PNLIP: variants seen among roughly 807,000 people sequenced by gnomAD.
PNLIP encodes pancreatic lipase.
In PNLIP, 49 loss-of-function variants were observed where a neutral mutation model predicts 57.1. The observed-to-expected ratio is 0.86, with a 90% CI of 0.68 to 1.09. The LOEUF (loss-of-function observed/expected upper bound fraction) is 1.09, where lower values mean the gene tolerates loss of function less well. PNLIP is among the 50% of genes least tolerant of loss of function. The probability of loss-of-function intolerance (pLI) is 0.00; values close to 1 mark genes in which losing one functional copy is unlikely to be tolerated. For missense variants in PNLIP, 503 were observed against 570.2 expected (o/e 0.88, Z 1.20); for synonymous variants, 209 against 200.4 (o/e 1.04, Z -0.36).
intron 4 of PNLIP, among the ~76,000 whole-genome samples, chr10:116,549,762 G>A (rs1564724072): frequency 6.6e-6 from 1 of 152,174 alleles, no homozygotes; most frequent in Non-Finnish European, 1.5e-5. Context: ...AGTTCAAAAG[G>A]AATATAGTTA....
intron 9 of PNLIP, among the ~76,000 whole-genome samples, chr10:116,557,203 A>G (rs1354896615): frequency 1.3e-5 from 2 of 152,166 alleles, no homozygotes; most frequent in Admixed American, 6.5e-5. Context: ...AACAATAAGT[A>G]ATGGGGGAAA....
chr10:116,547,045 G>C (rs907546575), intron 2 of PNLIP, among the ~76,000 whole-genome samples: 1 of 152,166 alleles, frequency 6.6e-6, no homozygotes, highest in African/African-American at 2.4e-5. Flanking sequence ...GGAGTCCCAC[G>C]TTGGGATTGG....
At chr10:116,566,074 G>C (rs965996000) in intron 12 of PNLIP, among the ~76,000 whole-genome samples, 1 of 152,366 alleles carries the variant, frequency 6.6e-6, no homozygotes, top group Middle Eastern at 3.4e-3. Flanking sequence ...CTCCCAAAGT[G>C]CTGGGATTAC....
At chr10:116,553,685 A>T (rs1312568395) in intron 5 of PNLIP, 42 bp from the exon 6 acceptor site, 6 of 1,183,028 alleles carry the variant, frequency 5.1e-6, no homozygotes, top group Non-Finnish European at 7.6e-6. Flanking sequence ...GCAACTCATG[A>T]CTGCACTTGA....
chr10:116,551,114 A>G lies in PNLIP; in HGVS notation c.341A>G (p.Glu114Gly). Residue 114 changes from glutamate (E) to glycine (G), a missense_variant, in exon 5 of 13, where the codon GAA (glutamate) becomes GGA (glycine). Coordinates refer to ENST00000369221, the MANE Select transcript of PNLIP (RefSeq NM_000936.4). Reference protein sequence around the residue: ...ANVCKNLFKVESVNCICVDWK... With the variant: ...ANVCKNLFKVGSVNCICVDWK... ...TTCCACCAGAATCTGTTCAAGGTGG[A>G]AAGTGTGAACTGTATCTGTGTGGAC... The G allele has an allele frequency of 1.2e-6, 2 of 1,601,630 alleles. No individual in the cohort carries two copies. Among genetic ancestry groups the G allele is most frequent in the Non-Finnish European group, 1.7e-6 (2 of 1,173,166 alleles).
At chr10:116,555,654 C>G in intron 8 of PNLIP, 147 bp downstream of exon 8, 1 of 939,418 alleles carries the variant, frequency 1.1e-6, no homozygotes, top group Admixed American at 2.4e-5. Context: ...TGTAGGTTTT[C>G]ACTGGGATAA....
In PNLIP at chr10:116,555,235, C is replaced by G. The variant is rs1213894608; in HGVS notation, c.629C>G (p.Pro210Arg). The G allele has an allele frequency of 6.2e-7, 1 of 1,614,154 alleles. No homozygotes were observed. Among genetic ancestry groups the G allele is most frequent in the Non-Finnish European group, 8.5e-7 (1 of 1,180,028 alleles). The change falls in exon 7 of 13, where the codon CCC (proline) becomes CGC (arginine). Residue 210 changes from proline to arginine, a missense_variant. Coordinates refer to ENST00000369221, the MANE Select transcript of PNLIP (RefSeq NM_000936.4). ...QGTPELVRLDPSDAKFVDVIH... is the reference protein window; with the variant it reads ...QGTPELVRLDRSDAKFVDVIH... Reference sequence around the variant, plus strand: ...ACACCTGAATTAGTCCGATTGGACCCCAGCGATGCCAAATTTGTGGATGTA... The same window carrying G: ...ACACCTGAATTAGTCCGATTGGACCGCAGCGATGCCAAATTTGTGGATGTA...
In PNLIP at chr10:116,546,142, A is replaced by C. The variant is rs1178531648; in HGVS notation, c.46+4A>C. 6.2e-7 allele frequency: 1 copy of C among 1,612,978 alleles called. No individual in the cohort carries two copies. The highest frequency in any genetic ancestry group is 8.5e-7 in the Non-Finnish European group (1 of 1,178,916). ...CTGCTGCTGGGAGCAGTAGCAGGTA[A>C]GAAAACAAATAAATGTTGAGCTGGG... On this transcript the variant is annotated splice_donor_region_variant and intron_variant, in intron 2 of 12. Coordinates refer to ENST00000369221, the MANE Select transcript of PNLIP (RefSeq NM_000936.4).
Position 116,567,627 on chromosome 10 carries a change from GCGCCCTTCC to G in PNLIP, c.1335-106_1335-98del, listed in dbSNP as rs547706381. 7.2e-4 allele frequency: 599 copies of G among 832,130 alleles called. 2 individuals carry two copies. The African/African-American group carries it at 7.8e-3, about 11-fold the overall frequency. 51.5% of individuals were successfully genotyped at this position (832,130 alleles called of 1,614,324 possible). ...CATTGTCTGGTCTCCAGCACAGGGT[GCGCCCTTCC>G]CTCAGACTAGGAGGTTGGGGGCATA... On this transcript the variant is annotated intron_variant, in intron 12 of 12. Transcript: ENST00000369221.
rs117794465 is a variant in PNLIP, at chr10:116,562,922, G to A, written c.1334+1286G>A. ...AAATAACTGCATTGCAGAACAAAAA[G>A]GTCAAGAATATTTATAAAGATCCAG... On this transcript the variant is annotated intron_variant, in intron 12 of 12. Coordinates refer to ENST00000369221, the MANE Select transcript of PNLIP (RefSeq NM_000936.4). 3.0e-4 allele frequency among the ~76,000 whole-genome samples: 45 copies of A among 152,092 alleles called. No individual in the cohort carries two copies. In the East Asian group the frequency reaches 8.7e-3, roughly 29 times the overall value.
At chr10:116,558,340 G>A (rs554021678) in intron 9 of PNLIP, among the ~76,000 whole-genome samples, 8 of 151,408 alleles carry the variant, frequency 5.3e-5, no homozygotes, top group Admixed American at 2.0e-4. Context: ...GACTACAGGC[G>A]CCCGCCACCA....
intron 2 of PNLIP, 91 bp from the exon 3 acceptor site, chr10:116,547,203 T>C (rs1847134973): frequency 8.0e-7 from 1 of 1,251,750 alleles, no homozygotes; most frequent in South Asian, 1.2e-5. Flanking sequence ...GAGGAAAGTC[T>C]ACCACACAGT....
intron 3 of PNLIP, 79 bp downstream of exon 3, chr10:116,547,527 C>T: frequency 8.7e-7 from 1 of 1,151,552 alleles, no homozygotes; most frequent in Non-Finnish European, 1.3e-6. Flanking sequence ...GAGATCGAGA[C>T]CATGCTGGCT....
chr10:116,561,431 G>A (rs1261233039), intron 11 of PNLIP, 41 bp from the exon 12 acceptor site: 8 of 1,450,356 alleles, frequency 5.5e-6, no homozygotes, highest in African/African-American at 4.2e-5. Context: ...ATATTTACAT[G>A]TATGCTCATG....
In PNLIP at chr10:116,547,403, C is replaced by A. The variant is rs558642726; in HGVS notation, c.156C>A (p.Asn52Lys). The change falls in exon 3 of 13, where the codon AAC becomes AAA. Residue 52 changes from asparagine to lysine, a missense_variant. Coordinates refer to ENST00000369221, the MANE Select transcript of PNLIP (RefSeq NM_000936.4). ...TGCCTTGGTCTCCAAAAGATGTCAA[C>A]ACCCGCTTCCTCCTATATACTAATG... ...HILPWSPKDV[N>K]TRFLLYTNEN... 6.2e-7 allele frequency: 1 copy of A among 1,614,050 alleles called. No individual in the cohort carries two copies. The highest frequency in any genetic ancestry group is 1.1e-5 in the South Asian group (1 of 91,070).
At chr10:116,553,159 G>A (rs143584910) in intron 5 of PNLIP, among the ~76,000 whole-genome samples, 9 of 152,218 alleles carry the variant, frequency 5.9e-5, no homozygotes, top group South Asian at 4.2e-4. Flanking sequence ...AGGCTAGAGC[G>A]CAATGGCGCG....
chr10:116,559,379 CT>C (rs1404063423), intron 10 of PNLIP, 96 bp downstream of exon 10: 1 of 879,294 alleles, frequency 1.1e-6, no homozygotes, highest in Non-Finnish European at 1.8e-6. Context: ...TATACAAAAG[CT>C]TTAAACACCC....
chr10:116,546,039 T>C, intron 1 of PNLIP, 54 bp from the exon 2 acceptor site: 1 of 1,513,840 alleles, frequency 6.6e-7, no homozygotes, highest in African/African-American at 1.4e-5. Context: ...AACTAAAACT[T>C]GCCGATCTTT....
At position 116,555,254 on chromosome 10, in the gene PNLIP, G is replaced by C; in HGVS notation, c.648G>C (p.Val216=). Residue 216 remains valine, a synonymous_variant, in exon 7 of 13, where the codon GTG becomes GTC. Coordinates refer to ENST00000369221, the MANE Select transcript of PNLIP (RefSeq NM_000936.4). Reference sequence around the variant, plus strand: ...TGGACCCCAGCGATGCCAAATTTGTGGATGTAATTCACACGGATGGTGCCC... The same window carrying C: ...TGGACCCCAGCGATGCCAAATTTGTCGATGTAATTCACACGGATGGTGCCC... The part of the protein sequence containing the change: ...VRLDPSDAKF[V]DVIHTDGAPI... 6.2e-7 allele frequency: 1 copy of C among 1,614,172 alleles called. No homozygotes were observed. Among genetic ancestry groups the C allele is most frequent in the Non-Finnish European group, 8.5e-7 (1 of 1,180,028 alleles).
Sources: gnomAD v4.1 joint callset for allele counts (sites outside exome capture counted in the v4.1 genomes callset) on GRCh38, gnomAD v4.1.1 for gene constraint, MANE v1.5 for transcripts, NCBI Gene and HGNC (gene_info 2026-07-23, HGNC 2026-07-21) for gene names.